TTC13: variants seen among roughly 807,000 people sequenced by gnomAD.
The protein encoded by TTC13 is tetratricopeptide repeat domain 13.
A neutral mutation model predicts 120.0 loss-of-function variants in TTC13; 62 were observed. That is an observed-to-expected ratio of 0.52 (90% CI 0.42 to 0.64). The LOEUF (loss-of-function observed/expected upper bound fraction) is 0.64, where lower values mean the gene tolerates loss of function less well. Ranked by LOEUF, TTC13 falls within the 30% of genes least tolerant of loss-of-function variation. The pLI is 0.00. For missense variants in TTC13, 824 were observed against 1,050.2 expected (o/e 0.78, Z 2.98); for synonymous variants, 384 against 393.5 (o/e 0.98, Z 0.28).
rs373720779 is a variant in TTC13, at chr1:230,955,489, C to T, written c.443-1086G>A. 3.1e-4 allele frequency among the ~76,000 whole-genome samples: 46 copies of T among 149,482 alleles called. 1 individual carries two copies. The highest frequency in any genetic ancestry group is 1.0e-3 in the African/African-American group (42 of 40,192). On this transcript the variant is annotated intron_variant, in intron 3 of 22. Transcript: ENST00000366661. ...CCATCCTGGCTAACACGGTGAAACCCCGTCTCTACTAAATATACAAAAAAA... is the reference window on the plus strand; with the variant it reads ...CCATCCTGGCTAACACGGTGAAACCTCGTCTCTACTAAATATACAAAAAAA...
chr1:230,924,957 T>A lies in TTC13; in HGVS notation c.1605A>T (p.Ala535=), dbSNP rs1672924582. The A allele has an allele frequency of 6.2e-7, 1 of 1,614,066 alleles. No homozygotes were observed. Among genetic ancestry groups the A allele is most frequent in the Non-Finnish European group, 8.5e-7 (1 of 1,180,040 alleles). Residue 535 remains alanine (A), a synonymous_variant, in exon 14 of 23, where the codon GCA becomes GCT. Coordinates refer to ENST00000366661, the MANE Select transcript of TTC13 (RefSeq NM_024525.5). ...GCTGCACGGCTTGCATGACCTCCAATGCGGCCAAACCCATAGCTACGAGAA... is the reference window on the plus strand; with the variant it reads ...GCTGCACGGCTTGCATGACCTCCAAAGCGGCCAAACCCATAGCTACGAGAA... ...KRIHRAMGLA[A]LEVMQAVQRT...
intron 20 of TTC13, among the ~76,000 whole-genome samples, chr1:230,909,238 T>C (rs1212950089): frequency 1.3e-5 from 2 of 152,244 alleles, no homozygotes; most frequent in African/African-American, 4.8e-5. Flanking sequence ...GTGAGGTGGC[T>C]CACACCTGTA....
intron 22 of TTC13, chr1:230,908,395 G>A (rs538106146): frequency 2.1e-6 from 1 of 472,020 alleles, no homozygotes; most frequent in Admixed American, 2.4e-5. Flanking sequence ...TCACTATGTT[G>A]CCCAGGCTGG....
Position 230,978,558 on chromosome 1 carries a change from A to T in TTC13, c.271+2T>A. On this transcript the variant is annotated splice_donor_variant, in intron 1 of 22. Transcript: ENST00000366661. LOFTEE classifies it high-confidence loss of function. This position sits in a 1 kb window ranked among gnomAD's most constrained non-coding sequence, Gnocchi z 5.6. ...CTCGGACGCCCGCCGCCGCCCACTC[A>T]CCGCCGCACTCGGCAGAGTACTGGT... 1 of 1,044,632 alleles carries T rather than the reference A, an allele frequency of 9.6e-7. No individual in the cohort carries two copies. The highest frequency in any genetic ancestry group is 1.3e-6 in the Non-Finnish European group (1 of 798,558). The allele number at this position is 1,044,632 out of a possible 1,614,324, so 64.7% of individuals were successfully genotyped here. A position where few individuals can be genotyped will look rare whatever the true frequency, so the allele number is the denominator to read the frequency against.
intron 2 of TTC13, among the ~76,000 whole-genome samples, chr1:230,959,670 T>G (rs532011760): frequency 1.3e-5 from 2 of 152,300 alleles, no homozygotes; most frequent in African/African-American, 4.8e-5. Flanking sequence ...CGTGAGCCAC[T>G]GCACCCAGCC....
At chr1:230,915,062 C>T (rs1274504554) in intron 18 of TTC13, among the ~76,000 whole-genome samples, 2 of 152,048 alleles carry the variant, frequency 1.3e-5, no homozygotes, top group African/African-American at 2.4e-5. Flanking sequence ...TTATTGGGAA[C>T]GTACTTTGAT....
At chr1:230,909,283 C>T (rs1220932809) in intron 20 of TTC13, among the ~76,000 whole-genome samples, 3 of 152,028 alleles carry the variant, frequency 2.0e-5, no homozygotes, top group Non-Finnish European at 2.9e-5. Context: ...GTGGGCGGAT[C>T]GCTTGAGGTC....
At chr1:230,958,979 C>A (rs1429862984) in intron 2 of TTC13, among the ~76,000 whole-genome samples, 1 of 152,174 alleles carries the variant, frequency 6.6e-6, no homozygotes, top group African/African-American at 2.4e-5. Context: ...CTGGGCAAAA[C>A]AGTGAGACTC....
At chr1:230,954,860 A>G (rs955526433) in intron 3 of TTC13, among the ~76,000 whole-genome samples, 1 of 152,242 alleles carries the variant, frequency 6.6e-6, no homozygotes, top group Non-Finnish European at 1.5e-5. Context: ...CCAATTACCT[A>G]ATAAGAACAA....
chr1:230,928,904 G>GAA, intron 12 of TTC13, 33 bp downstream of exon 12: 1 of 1,596,502 alleles, frequency 6.3e-7, no homozygotes, highest in Non-Finnish European at 8.6e-7. Context: ...TTTGAGAAAG[G>GAA]AAAAAAAAAT....
chr1:230,963,328 C>T (rs935364383), intron 1 of TTC13, among the ~76,000 whole-genome samples: 2 of 152,116 alleles, frequency 1.3e-5, no homozygotes, highest in Admixed American at 6.6e-5. Context: ...TTTCACAAGG[C>T]ATAAGCAGGG....
intron 1 of TTC13, among the ~76,000 whole-genome samples, chr1:230,971,279 G>A (rs1677711422): frequency 6.8e-6 from 1 of 146,536 alleles, no homozygotes; most frequent in Non-Finnish European, 1.5e-5. Context: ...CCAGGAGGCA[G>A]AGCTTGCAGT....
rs541155882 is a variant in TTC13 at position 230,907,766 on chromosome 1, G to A, written c.2469-747C>T. 7.2e-5 allele frequency among the ~76,000 whole-genome samples: 11 copies of A among 152,324 alleles called. No individual in the cohort carries two copies. The South Asian group carries it at 1.0e-3, about 14-fold the overall frequency. ...AGAGTGGTTGCTATGTCAAATAGAC[G>A]TGAAAGGCAAAACTGGGGGTGGTTG... On this transcript the variant is annotated intron_variant, in intron 22 of 22. Transcript: ENST00000366661.
Position 230,961,410 on chromosome 1 carries a change from G to A in TTC13, c.272-107C>T, listed in dbSNP as rs112900452. On this transcript the variant is annotated intron_variant, in intron 1 of 22. Coordinates refer to ENST00000366661, the MANE Select transcript of TTC13 (RefSeq NM_024525.5). ...CTCCACAGAACCAAAATAAGAACAGGTGTGAATAACACTAAAAGTGGCAAC... is the reference window on the plus strand; with the variant it reads ...CTCCACAGAACCAAAATAAGAACAGATGTGAATAACACTAAAAGTGGCAAC... The A allele has an allele frequency of 9.9e-3, 7,729 of 781,134 alleles. 69 individuals are homozygous for A. Among genetic ancestry groups the A allele is most frequent in the Non-Finnish European group, 0.012 (5,854 of 477,944 alleles). 48.4% of individuals were successfully genotyped at this position (781,134 alleles called of 1,614,324 possible).
intron 4 of TTC13, among the ~76,000 whole-genome samples, chr1:230,947,988 C>G (rs977625920): frequency 7.2e-5 from 11 of 152,088 alleles, no homozygotes; most frequent in African/African-American, 2.7e-4. Flanking sequence ...CTATTCTAAG[C>G]CTTCCTCTCT....
Position 230,940,432 on chromosome 1 carries a change from C to G in TTC13, c.789+8G>C, listed in dbSNP as rs1286541882. 6.4e-7 allele frequency: 1 copy of G among 1,558,978 alleles called. No individual in the cohort carries two copies. The highest frequency in any genetic ancestry group is 1.1e-5 in the South Asian group (1 of 87,508). On this transcript the variant is annotated splice_region_variant and intron_variant, in intron 7 of 22. Coordinates refer to ENST00000366661, the MANE Select transcript of TTC13 (RefSeq NM_024525.5). The surrounding 1 kb of genome is among the most constrained non-coding windows in gnomAD (Gnocchi z 4.1). ...TCATAAAAATACTTCAAGACAAAAACCAGTCACCTCTGATATGAAGTACAG... is the reference window on the plus strand; with the variant it reads ...TCATAAAAATACTTCAAGACAAAAAGCAGTCACCTCTGATATGAAGTACAG...
chr1:230,920,696 A>C lies in TTC13; in HGVS notation c.1899-102T>G. ...TTTAAATAAATTGACCTCAATTTTG[A>C]GTAGCTAAACATTCAAAATGGTAGG... On this transcript the variant is annotated intron_variant, in intron 16 of 22. Transcript: ENST00000366661. 9.1e-6 allele frequency: 6 copies of C among 660,886 alleles called. No homozygotes were observed. The South Asian group carries it at 1.6e-4, about 18-fold the overall frequency. The allele number at this position is 660,886 out of a possible 1,614,324, so 40.9% of individuals were successfully genotyped here.
rs371763966 is a variant in TTC13 at position 230,924,869 on chromosome 1, T to C, written c.1693A>G (p.Met565Val). The C allele has an allele frequency of 6.8e-6, 11 of 1,614,110 alleles. No individual in the cohort carries two copies. Among genetic ancestry groups the C allele is most frequent in the Non-Finnish European group, 9.3e-6 (11 of 1,180,048 alleles). Residue 565 changes from methionine (M) to valine (V), a missense_variant, in exon 14 of 23, where the codon ATG becomes GTG. Transcript: ENST00000366661. ...GKTRLMQWRD[M>V]FDIAVKWRRI... is the part of the protein sequence containing the mutation. The stretch of plus-strand genomic sequence containing the variant: ...CTCCATTTAACTGCAATGTCAAACA[T>C]GTCTCTCCACTGCATCAACCGTGTC...
rs541479148 is a variant in TTC13 at position 230,971,548 on chromosome 1, T to C, written c.271+7012A>G. On this transcript the variant is annotated intron_variant, in intron 1 of 22. Transcript: ENST00000366661. ...GTATTATCGTAAAGCAAATTGAAAATAGACACTGCCTGCTGATTATTAAAT... is the reference window on the plus strand; with the variant it reads ...GTATTATCGTAAAGCAAATTGAAAACAGACACTGCCTGCTGATTATTAAAT... Among the ~76,000 whole-genome samples, 498 of 152,172 alleles carry C rather than the reference T, an allele frequency of 3.3e-3. 7 individuals are homozygous for C. Among genetic ancestry groups the C allele is most frequent in the African/African-American group, 0.012 (479 of 41,534 alleles).
Sources: allele counts gnomAD v4.1 joint callset (sites outside exome capture counted in the v4.1 genomes callset), GRCh38; gene constraint gnomAD v4.1.1; non-coding constraint Gnocchi (gnomAD v3.1); transcripts MANE v1.5; gene names NCBI Gene and HGNC (gene_info 2026-07-23, HGNC 2026-07-21).